C9: variants seen among roughly 807,000 people sequenced by gnomAD.
The protein encoded by C9 is complement component C9.
A neutral mutation model predicts 65.4 loss-of-function variants in C9; 63 were observed. The observed-to-expected ratio is 0.96, with a 90% confidence interval of 0.79 to 1.19. The LOEUF (loss-of-function observed/expected upper bound fraction) is 1.19, where lower values mean the gene tolerates loss of function less well. Ranked by LOEUF, C9 falls within the 50% of genes most tolerant of loss-of-function variation. The pLI is 0.00. For synonymous variants in C9, 229 were observed against 227.9 expected, an observed-to-expected ratio of 1.00 and a Z score of -0.04; for missense variants, 744 against 670.1, an observed-to-expected ratio of 1.11 and a Z score of -1.22.
At chr5:39,316,763 T>C (rs534974731) in intron 5 of C9, among the ~76,000 whole-genome samples, 53 of 152,280 alleles carry the variant, frequency 3.5e-4, no homozygotes, top group African/African-American at 1.3e-3. Flanking sequence ...GGCGTTTGGG[T>C]TGATTCCAAG....
chr5:39,346,000 G>C (rs1247935460), intron 1 of C9, among the ~76,000 whole-genome samples: 6 of 151,810 alleles, frequency 4.0e-5, no homozygotes, highest in African/African-American at 7.3e-5. Flanking sequence ...ATACCAGAAT[G>C]TCTGGGACAC....
intron 1 of C9, among the ~76,000 whole-genome samples, chr5:39,355,089 AT>A (rs1214945108): frequency 2.0e-5 from 3 of 152,194 alleles, no homozygotes; most frequent in African/African-American, 7.2e-5. Flanking sequence ...ATATGTTAAC[AT>A]TTTGTTTCAA....
intron 4 of C9, 112 bp downstream of exon 4, chr5:39,341,034 G>C (rs1366134754): frequency 8.8e-7 from 1 of 1,140,322 alleles, no homozygotes; most frequent in Non-Finnish European, 1.3e-6. Context: ...AGACCCATCA[G>C]CTGTATCACC....
intron 6 of C9, among the ~76,000 whole-genome samples, chr5:39,311,801 A>G (rs574892869): frequency 3.9e-5 from 6 of 152,354 alleles, no homozygotes; most frequent in African/African-American, 1.2e-4. Context: ...GAGAGAAATC[A>G]ATAAACAACC....
intron 1 of C9, among the ~76,000 whole-genome samples, chr5:39,354,978 C>A (rs1240630088): frequency 6.6e-6 from 1 of 152,162 alleles, no homozygotes; most frequent in Non-Finnish European, 1.5e-5. Flanking sequence ...TTCTATGAAT[C>A]TTTTTAATGT....
chr5:39,309,678 C>G (rs902849503), intron 7 of C9, among the ~76,000 whole-genome samples: 1 of 152,166 alleles, frequency 6.6e-6, no homozygotes, highest in African/African-American at 2.4e-5. Context: ...GTCCAGACAT[C>G]TTAAATTGAG....
At position 39,304,128 on chromosome 5, in the gene C9, G is replaced by A. The variant is rs926687204; in HGVS notation, c.1416+2489C>T. 3.9e-5 allele frequency among the ~76,000 whole-genome samples: 6 copies of A among 152,160 alleles called. No individual in the cohort carries two copies. In the East Asian group the frequency reaches 7.7e-4, roughly 20 times the overall value. On this transcript the variant is annotated intron_variant, in intron 9 of 10. Transcript: ENST00000263408. ...ACAGGAACTTAACCCATTCATTAGC[G>A]TATGGTAAAATTGGTTTTGTTACAG... is the stretch of plus-strand genomic sequence containing the variant.
chr5:39,320,398 C>T (rs1465830130), intron 5 of C9, among the ~76,000 whole-genome samples: 1 of 152,034 alleles, frequency 6.6e-6, no homozygotes. Flanking sequence ...TGAAAAATTT[C>T]ATAGTGAGAT....
intron 4 of C9, among the ~76,000 whole-genome samples, chr5:39,334,180 C>T (rs574114245): frequency 1.3e-5 from 2 of 151,388 alleles, no homozygotes; most frequent in East Asian, 3.9e-4. Flanking sequence ...CGCCTCTTCC[C>T]GGCCGCCATC....
intron 10 of C9, among the ~76,000 whole-genome samples, chr5:39,286,909 T>A (rs1261277290): frequency 6.6e-6 from 1 of 151,988 alleles, no homozygotes; most frequent in Non-Finnish European, 1.5e-5. Context: ...TAAAAATTTA[T>A]ATTGTAAGAG....
At chr5:39,298,296 G>T (rs1753220992) in intron 9 of C9, among the ~76,000 whole-genome samples, 1 of 151,186 alleles carries the variant, frequency 6.6e-6, no homozygotes, top group African/African-American at 2.4e-5. Context: ...AAAGCATAAG[G>T]AAGGAAATAA....
chr5:39,298,773 A>C (rs905962029), intron 9 of C9, among the ~76,000 whole-genome samples: 14 of 151,998 alleles, frequency 9.2e-5, no homozygotes, highest in African/African-American at 3.4e-4. Context: ...CCAAAACCAA[A>C]TAAAAATAGT....
rs1401771100 is a variant in C9 at position 39,325,874 on chromosome 5, TCTC to T, written c.615+5799_615+5801del. 5.3e-5 allele frequency among the ~76,000 whole-genome samples: 8 copies of T among 152,038 alleles called. No individual in the cohort carries two copies. The East Asian group carries it at 1.5e-3, about 29-fold the overall frequency. ...ATTCTCTCCATTTTGATTCAAATAA[TCTC>T]CTTGTTGTAGGATAACTCCATCTAA... On this transcript the variant is annotated intron_variant, in intron 5 of 10. Transcript: ENST00000263408.
At chr5:39,361,320 A>G (rs1427331150) in intron 1 of C9, among the ~76,000 whole-genome samples, 1 of 152,234 alleles carries the variant, frequency 6.6e-6, no homozygotes, top group African/African-American at 2.4e-5. Flanking sequence ...TAAACTCTTT[A>G]TATATACTTT....
At chr5:39,303,620 C>T (rs1208068298) in intron 9 of C9, among the ~76,000 whole-genome samples, 1 of 151,526 alleles carries the variant, frequency 6.6e-6, no homozygotes, top group Non-Finnish European at 1.5e-5. Flanking sequence ...CATATTCATA[C>T]AGCATTCCAC....
chr5:39,310,993 CA>C, intron 7 of C9, 143 bp downstream of exon 7: 1 of 898,812 alleles, frequency 1.1e-6, no homozygotes, highest in Non-Finnish European at 1.8e-6. Context: ...TTTTAGGTGC[CA>C]AAGGGCAGGA....
Position 39,308,293 on chromosome 5 carries a change from C to T in C9, c.1177G>A (p.Glu393Lys), listed in dbSNP as rs1176428474. The T allele has an allele frequency of 6.2e-7, 1 of 1,607,956 alleles. No homozygotes were observed. Among genetic ancestry groups the T allele is most frequent in the African/African-American group, 1.3e-5 (1 of 74,918 alleles). ...YHLDVSLAFS[E>K]ISVGAEFNKD... is the part of the protein sequence containing the mutation. ...TTAAATTCAGCTCCAACAGAGATTT[C>T]AGAGAAAGCCAGAGATACATCCAGA... The change falls in exon 8 of 11, where the codon GAA becomes AAA. Residue 393 changes from glutamate to lysine, a missense_variant. Glu to Lys is a moderately conservative substitution (Grantham distance 56). Coordinates refer to ENST00000263408, the MANE Select transcript of C9 (RefSeq NM_001737.5).
chr5:39,342,652 C>A (rs182938718), intron 1 of C9, among the ~76,000 whole-genome samples: 1 of 152,240 alleles, frequency 6.6e-6, no homozygotes, highest in African/African-American at 2.4e-5. Context: ...TTTAAGCCAG[C>A]CAGCCCAGGC....
chr5:39,357,938 C>G (rs1439243443), intron 1 of C9, among the ~76,000 whole-genome samples: 1 of 152,034 alleles, frequency 6.6e-6, no homozygotes, highest in Admixed American at 6.6e-5. Flanking sequence ...CCACTGTGTA[C>G]GAAGCCACCT....
Sources: gnomAD v4.1 joint callset for allele counts (sites outside exome capture counted in the v4.1 genomes callset) on GRCh38, gnomAD v4.1.1 for gene constraint, MANE v1.5 for transcripts, NCBI Gene and HGNC (gene_info 2026-07-23, HGNC 2026-07-21) for gene names.